The following ATP8B4 variants were observed in gnomAD, a reference collection of about 807,000 sequenced individuals.
The protein encoded by ATP8B4 is probable phospholipid-transporting ATPase IM.
In ATP8B4, 133 loss-of-function variants were observed where a neutral mutation model predicts 145.6. That is an observed-to-expected ratio of 0.91 (90% CI 0.79 to 1.05). ATP8B4 has a LOEUF of 1.05. Among genes scored for constraint, ATP8B4 ranks in the 50% least tolerant of loss-of-function variants. ATP8B4 has a pLI of 0.00. For synonymous variants in ATP8B4, 507 were observed against 492.9 expected (o/e 1.03, Z -0.38); for missense variants, 1,458 against 1,425.2 (o/e 1.02, Z -0.37).
chr15:49,910,970 T>A (rs2039164590), intron 20 of ATP8B4, among the ~76,000 whole-genome samples: 1 of 151,598 alleles, frequency 6.6e-6, no homozygotes, highest in South Asian at 2.1e-4. Flanking sequence ...AGTGCAAAAC[T>A]CACTGGTAAA....
At chr15:50,127,914 C>T (rs1435571374) in intron 1 of ATP8B4, among the ~76,000 whole-genome samples, 2 of 152,132 alleles carry the variant, frequency 1.3e-5, no homozygotes, top group African/African-American at 2.4e-5. Flanking sequence ...GCACACATCC[C>T]CACCAATGCT....
rs116571500 is a variant in ATP8B4, at chr15:49,918,915, C to T, written c.1959G>A (p.Gln653=). Residue 653 remains glutamine, a synonymous_variant, in exon 19 of 28, where the codon CAG becomes CAA. Coordinates refer to ENST00000284509, the MANE Select transcript of ATP8B4 (RefSeq NM_024837.4). The part of the protein sequence containing the change: ...LGATAVEDKL[Q]EGVIETVTSL... ...TTGTAACTGTTTCAATAACACCCTCCTGTAACTTATCTTCTACAGCAGTGG... is the reference window on the plus strand; with the variant it reads ...TTGTAACTGTTTCAATAACACCCTCTTGTAACTTATCTTCTACAGCAGTGG... 1.6e-3 allele frequency: 2,505 copies of T among 1,613,606 alleles called. 3 individuals carry two copies. Among genetic ancestry groups the T allele is most frequent in the Non-Finnish European group, 2.1e-3 (2,424 of 1,179,686 alleles).
intron 6 of ATP8B4, among the ~76,000 whole-genome samples, chr15:50,011,238 T>C (rs1210021049): frequency 6.6e-6 from 1 of 152,182 alleles, no homozygotes; most frequent in African/African-American, 2.4e-5. Context: ...TCACTGACAT[T>C]CTTTTCCAAC....
chr15:50,089,130 A>G (rs2055420211), intron 2 of ATP8B4, among the ~76,000 whole-genome samples: 1 of 152,316 alleles, frequency 6.6e-6, no homozygotes, highest in Admixed American at 6.5e-5. Flanking sequence ...AATTAACTCA[A>G]GATGGATTAA....
intron 1 of ATP8B4, among the ~76,000 whole-genome samples, chr15:50,134,938 A>G (rs1455854174): frequency 1.5e-5 from 2 of 132,428 alleles, no homozygotes; most frequent in East Asian, 2.4e-4. Context: ...TTCAAGCTCA[A>G]CAGTCACTCT....
intron 23 of ATP8B4, among the ~76,000 whole-genome samples, chr15:49,885,205 T>C (rs1414904191): frequency 1.3e-5 from 2 of 152,170 alleles, no homozygotes; most frequent in Non-Finnish European, 2.9e-5. Context: ...TTCTCCAACT[T>C]ATCTGGCTCA....
chr15:50,000,703 T>G (rs2047816253), intron 8 of ATP8B4, among the ~76,000 whole-genome samples: 1 of 152,182 alleles, frequency 6.6e-6, no homozygotes, highest in African/African-American at 2.4e-5. Flanking sequence ...AATTTTTAAT[T>G]TCTTGAAGTC....
chr15:49,975,797 C>T (rs1212807819), intron 12 of ATP8B4, among the ~76,000 whole-genome samples: 3 of 151,970 alleles, frequency 2.0e-5, no homozygotes, highest in Admixed American at 2.0e-4. Flanking sequence ...TGTCTGTGTT[C>T]TTCCTTTCTA....
At chr15:50,156,129 TATATATATAAATATATATATA>T (rs2044414445) in intron 1 of ATP8B4, among the ~76,000 whole-genome samples, 1 of 17,354 alleles carries the variant, frequency 5.8e-5, no homozygotes, top group African/African-American at 1.7e-4. Flanking sequence ...AATATATTTA[TATATATATAAATATATATATA>T]TATATTTGTT....
intron 1 of ATP8B4, among the ~76,000 whole-genome samples, chr15:50,165,208 G>A (rs971975268): frequency 6.6e-6 from 1 of 151,744 alleles, no homozygotes; most frequent in African/African-American, 2.4e-5. Flanking sequence ...CACCACCACA[G>A]CCCCCAGCTA....
chr15:49,966,686 C>T lies in ATP8B4; in HGVS notation c.1244-4666G>A, dbSNP rs145724024. Reference sequence around the variant, plus strand: ...ACCTGGGGGAAGGGGTGGCTGTGCGCGCAGCGTCAGCAGAATTATATGTTC... The same window carrying T: ...ACCTGGGGGAAGGGGTGGCTGTGCGTGCAGCGTCAGCAGAATTATATGTTC... On this transcript the variant is annotated intron_variant, in intron 13 of 27. Transcript: ENST00000284509. Among the ~76,000 whole-genome samples, 1,127 of 152,230 alleles carry T rather than the reference C, an allele frequency of 7.4e-3. 17 individuals carry two copies. The highest frequency in any genetic ancestry group is 7.5e-3 in the Non-Finnish European group (512 of 68,006).
At chr15:49,916,104 A>G (rs1003909477) in intron 20 of ATP8B4, among the ~76,000 whole-genome samples, 2 of 152,088 alleles carry the variant, frequency 1.3e-5, no homozygotes, top group African/African-American at 4.8e-5. Context: ...CTGAGCTTAG[A>G]GAAGCTACTA....
intron 13 of ATP8B4, among the ~76,000 whole-genome samples, chr15:49,970,533 G>C (rs987537861): frequency 6.6e-6 from 1 of 152,108 alleles, no homozygotes; most frequent in Admixed American, 6.6e-5. Flanking sequence ...TAGCTACAAA[G>C]AGAATAAAAT....
chr15:50,155,412 A>T lies in ATP8B4; in HGVS notation c.-43+26849T>A, dbSNP rs1455851784. Among the ~76,000 whole-genome samples the T allele has an allele frequency of 4.6e-5, 7 of 152,296 alleles. 1 individual carries two copies. The highest frequency in any genetic ancestry group is 4.1e-4 in the South Asian group (2 of 4,832). On this transcript the variant is annotated intron_variant, in intron 1 of 3. Coordinates refer to the ATP8B4 transcript ENST00000558829. ...GTGTCAAACTGTGACACCTTAAAAC[A>T]ACTAATGAAGAAAAAAGATAAAACT...
chr15:50,178,048 C>T (rs1452198313), intron 1 of ATP8B4, among the ~76,000 whole-genome samples: 1 of 152,146 alleles, frequency 6.6e-6, no homozygotes, highest in Non-Finnish European at 1.5e-5. Flanking sequence ...TGTCAGTATG[C>T]ACACCCAGTA....
At chr15:49,981,366 ATGTCTC>A in intron 10 of ATP8B4, 72 bp from the exon 11 acceptor site, 1 of 1,157,146 alleles carries the variant, frequency 8.6e-7, no homozygotes, top group African/African-American at 1.6e-5. Flanking sequence ...CTCATATCAA[ATGTCTC>A]TGAAAGAAAA....
chr15:49,950,603 C>CA (rs1175818563), intron 14 of ATP8B4, among the ~76,000 whole-genome samples: 1 of 72,542 alleles, frequency 1.4e-5, no homozygotes, highest in African/African-American at 4.1e-5. Context: ...AAAAAAAAAA[C>CA]AAACAAACAA....
In ATP8B4 at chr15:49,983,133, G is replaced by A. The variant is rs567144561; in HGVS notation, c.749-1839C>T. Among the ~76,000 whole-genome samples the A allele has an allele frequency of 1.7e-4, 26 of 152,232 alleles. No homozygotes were observed. The South Asian group carries it at 4.4e-3, about 25-fold the overall frequency. On this transcript the variant is annotated intron_variant, in intron 10 of 27. Coordinates refer to ENST00000284509, the MANE Select transcript of ATP8B4 (RefSeq NM_024837.4). The stretch of plus-strand genomic sequence containing the variant: ...TCCCTGAGCAATCTCACCTAAGACC[G>A]TAGCTTTGAGACCAACAGTTTTAAT...
At chr15:50,158,191 G>A (rs1464710222) in intron 1 of ATP8B4, among the ~76,000 whole-genome samples, 1 of 152,196 alleles carries the variant, frequency 6.6e-6, no homozygotes, top group Non-Finnish European at 1.5e-5. Flanking sequence ...TCTGGGAAGT[G>A]AGGAGCGTCT....
Sources: allele counts gnomAD v4.1 joint callset (sites outside exome capture counted in the v4.1 genomes callset), GRCh38; gene constraint gnomAD v4.1.1; transcripts MANE v1.5; gene names NCBI Gene and HGNC (gene_info 2026-07-23, HGNC 2026-07-21).